Variants in KDM4B observed in about 807,000 individuals in gnomAD.
KDM4B encodes the protein lysine-specific demethylase 4B.
A neutral mutation model predicts 125.2 loss-of-function variants in KDM4B; 32 were observed. The observed-to-expected ratio is 0.26, with a 90% CI of 0.19 to 0.34. The LOEUF (loss-of-function observed/expected upper bound fraction) is 0.34. Among genes scored for constraint, KDM4B ranks in the 10% least tolerant of loss-of-function variants. KDM4B has a pLI of 1.00. For synonymous variants in KDM4B, 721 were observed against 677.9 expected, an observed-to-expected ratio of 1.06 and a Z score of -0.99; for missense variants, 1,190 against 1,577.7, an observed-to-expected ratio of 0.75 and a Z score of 4.16.
intron 22 of KDM4B, among the ~76,000 whole-genome samples, chr19:5,150,899 A>AG (rs2039935233): frequency 6.6e-6 from 1 of 152,202 alleles, no homozygotes; most frequent in Admixed American, 6.5e-5. Flanking sequence ...CGGGAGCCTG[A>AG]GTCCTGGAGG....
chr19:5,067,747 T>A (rs1405057729), intron 6 of KDM4B, among the ~76,000 whole-genome samples: 1 of 152,040 alleles, frequency 6.6e-6, no homozygotes, highest in Non-Finnish European at 1.5e-5. Flanking sequence ...CAGGCCCGGT[T>A]GGGGACCAGT....
intron 1 of KDM4B, among the ~76,000 whole-genome samples, chr19:5,005,730 C>A (rs2035535632): frequency 6.6e-6 from 1 of 152,194 alleles, no homozygotes; most frequent in Non-Finnish European, 1.5e-5. Flanking sequence ...CAGGACGTCC[C>A]TCTAAGATCG....
chr19:5,118,335 G>C (rs922874960), intron 10 of KDM4B, among the ~76,000 whole-genome samples: 1 of 152,250 alleles, frequency 6.6e-6, no homozygotes, highest in Non-Finnish European at 1.5e-5. Flanking sequence ...GGCGCTCCCA[G>C]CTCTGCCTGA....
At chr19:5,149,133 G>A (rs1015143626) in intron 21 of KDM4B, among the ~76,000 whole-genome samples, 2 of 152,246 alleles carry the variant, frequency 1.3e-5, no homozygotes, top group Non-Finnish European at 2.9e-5. Context: ...ACAGGGACCG[G>A]CAGGCTTGGC....
At chr19:5,062,658 C>CT (rs201021650) in intron 6 of KDM4B, among the ~76,000 whole-genome samples, 23 of 144,198 alleles carry the variant, frequency 1.6e-4, no homozygotes, top group Non-Finnish European at 2.1e-4. Context: ...TTTTTGTTGA[C>CT]TTTTTTTTTT....
intron 13 of KDM4B, among the ~76,000 whole-genome samples, chr19:5,133,178 C>T (rs898485965): frequency 2.6e-5 from 4 of 152,120 alleles, no homozygotes; most frequent in East Asian, 1.9e-4. Context: ...GATTGGGGTG[C>T]GGCAGCTGGC....
chr19:5,143,234 GAT>G (rs2039776539), intron 18 of KDM4B, among the ~76,000 whole-genome samples: 1 of 151,578 alleles, frequency 6.6e-6, no homozygotes, highest in Non-Finnish European at 1.5e-5. Context: ...GAGGTGGGAG[GAT>G]TGCTTGAGCC....
chr19:5,134,882 G>A (rs375887919), intron 14 of KDM4B, among the ~76,000 whole-genome samples: 2 of 152,198 alleles, frequency 1.3e-5, no homozygotes, highest in East Asian at 3.8e-4. Flanking sequence ...CCTGACAGCC[G>A]ACACCGTCTC....
chr19:5,050,971 A>T (rs1599505816), intron 6 of KDM4B, among the ~76,000 whole-genome samples: 2 of 151,916 alleles, frequency 1.3e-5, no homozygotes, highest in South Asian at 4.2e-4. Context: ...AGCCGAGCTG[A>T]CCCTCCAAGG....
chr19:5,006,830 C>T (rs1333812260), intron 1 of KDM4B, among the ~76,000 whole-genome samples: 1 of 151,884 alleles, frequency 6.6e-6, no homozygotes, highest in African/African-American at 2.4e-5. Flanking sequence ...GAGCTGACAG[C>T]CTGGGTTAGC....
chr19:5,118,315 C>T (rs758766145), intron 10 of KDM4B, among the ~76,000 whole-genome samples: 29 of 152,206 alleles, frequency 1.9e-4, no homozygotes, highest in Admixed American at 8.5e-4. Context: ...GTGATTGTCC[C>T]GGAAACACTG....
chr19:5,107,527 G>A (rs563338250), intron 9 of KDM4B, among the ~76,000 whole-genome samples: 41 of 152,294 alleles, frequency 2.7e-4, no homozygotes, highest in African/African-American at 9.6e-4. Flanking sequence ...AATAGACAGC[G>A]AGGTCTGCCC....
At chr19:5,100,221 TTCCA>T (rs1048427254) in intron 9 of KDM4B, among the ~76,000 whole-genome samples, 1 of 152,234 alleles carries the variant, frequency 6.6e-6, no homozygotes, top group Admixed American at 6.5e-5. Context: ...CCTTGGGCCT[TTCCA>T]TCCATCTTTT....
Position 5,151,663 on chromosome 19 carries a change from G to A in KDM4B, c.*152G>A, listed in dbSNP as rs947684945. On this transcript the variant is annotated 3_prime_UTR_variant, in exon 23 of 23. Coordinates refer to ENST00000159111, the MANE Select transcript of KDM4B (RefSeq NM_015015.3). ...GCCCCCTAGGGCGACAGGAGCCAGC[G>A]GGACGCCGCACGCGGCCCCAGACTC... The A allele has an allele frequency of 3.3e-5, 21 of 628,316 alleles. No individual in the cohort carries two copies. The highest frequency in any genetic ancestry group is 1.5e-4 in the African/African-American group (8 of 52,842). The allele number at this position is 628,316 out of a possible 1,614,324, so 38.9% of individuals were successfully genotyped here.
chr19:5,084,491 TATA>T (rs1190087599), intron 9 of KDM4B, among the ~76,000 whole-genome samples: 1 of 131,292 alleles, frequency 7.6e-6, no homozygotes. Flanking sequence ...TTATATATGT[TATA>T]ATTTATATAT....
chr19:4,981,028 G>A (rs2034622189), intron 1 of KDM4B, among the ~76,000 whole-genome samples: 1 of 152,120 alleles, frequency 6.6e-6, no homozygotes, highest in South Asian at 2.1e-4. Context: ...CTGCAGGGGT[G>A]CAGAGGTACC....
At chr19:5,060,013 C>T (rs991214127) in intron 6 of KDM4B, among the ~76,000 whole-genome samples, 1 of 152,224 alleles carries the variant, frequency 6.6e-6, no homozygotes, top group Non-Finnish European at 1.5e-5. Context: ...TCTGCTGCCT[C>T]CTCCCCACAG....
At chr19:5,132,184 C>T (rs1005021187) in intron 13 of KDM4B, among the ~76,000 whole-genome samples, 177 bp downstream of exon 13, 6 of 152,152 alleles carry the variant, frequency 3.9e-5, no homozygotes, top group African/African-American at 1.4e-4. Context: ...GGCAGGTGGT[C>T]GTGCGGGGAG....
chr19:5,152,402 C>T lies in KDM4B; in HGVS notation c.*891C>T, dbSNP rs1250073928. 1 of 152,348 alleles carries T rather than the reference C, an allele frequency of 6.6e-6. No homozygotes were observed. The highest frequency in any genetic ancestry group is 6.5e-5 in the Admixed American group (1 of 15,290). The allele number at this position is 152,348 out of a possible 1,614,324, so 9.4% of individuals were successfully genotyped here. On this transcript the variant is annotated 3_prime_UTR_variant, in exon 23 of 23. Coordinates refer to ENST00000159111, the MANE Select transcript of KDM4B (RefSeq NM_015015.3). Reference sequence around the variant, plus strand: ...GAGAGAAACGCAGGTGTTCCAGAGGCTTCCTTGCAGACAAAGCACCCCTGC... The same window carrying T: ...GAGAGAAACGCAGGTGTTCCAGAGGTTTCCTTGCAGACAAAGCACCCCTGC...
Sources: gnomAD v4.1 joint callset for allele counts (sites outside exome capture counted in the v4.1 genomes callset) on GRCh38, gnomAD v4.1.1 for gene constraint, MANE v1.5 for transcripts, NCBI Gene and HGNC (gene_info 2026-07-23, HGNC 2026-07-21) for gene names.